The following MAK variants were observed in gnomAD, a reference collection of about 807,000 sequenced individuals.
MAK encodes male germ cell associated kinase.
Under a neutral mutation model 82.6 loss-of-function variants are expected in MAK, and 65 were observed. The observed-to-expected ratio is 0.79, with a 90% confidence interval of 0.64 to 0.97. The LOEUF (loss-of-function observed/expected upper bound fraction) is 0.97, where lower values mean the gene tolerates loss of function less well. Ranked by LOEUF, MAK falls within the 50% of genes least tolerant of loss-of-function variation. The pLI, the probability that MAK is intolerant of heterozygous loss-of-function variation, is 0.00. For synonymous variants in MAK, 250 were observed against 274.2 expected (o/e 0.91, Z 0.87); for missense variants, 703 against 780.2 (o/e 0.90, Z 1.18).
At chr6:10,818,637 C>CT (rs1777679284) in intron 3 of MAK, among the ~76,000 whole-genome samples, 1 of 148,408 alleles carries the variant, frequency 6.7e-6, no homozygotes, top group South Asian at 2.1e-4. Context: ...AAAAAGTTGT[C>CT]TTTGCATAAT....
chr6:10,773,879 T>C (rs1472509194), intron 12 of MAK, among the ~76,000 whole-genome samples: 1 of 151,916 alleles, frequency 6.6e-6, no homozygotes, highest in Non-Finnish European at 1.5e-5. Context: ...GTGTGTATTT[T>C]TAGTAGAGAC....
At chr6:10,826,973 T>C (rs1319308554) in intron 2 of MAK, among the ~76,000 whole-genome samples, 2 of 152,034 alleles carry the variant, frequency 1.3e-5, no homozygotes, top group Non-Finnish European at 2.9e-5. Context: ...TAGCCAGGCG[T>C]GGTGGTACAT....
At chr6:10,773,171 G>GA (rs908783908) in intron 12 of MAK, 63 bp from the exon 13 acceptor site, 16 of 888,700 alleles carry the variant, frequency 1.8e-5, no homozygotes, top group Non-Finnish European at 2.6e-5. Flanking sequence ...GAAAAGCAGA[G>GA]AAAAAATGGA....
At position 10,801,394 on chromosome 6, in the gene MAK, AG is replaced by A. The variant is rs1776008296; in HGVS notation, c.831+497del. On this transcript the variant is annotated intron_variant, in intron 8 of 14. Coordinates refer to ENST00000354489, the MANE Select transcript of MAK (RefSeq NM_001242957.3). The stretch of plus-strand genomic sequence containing the variant: ...GTAGATATGTCAGGTGTAGTCACAA[AG>A]GAACAAAGCCTGGGTGCCACAATGC... Among the ~76,000 whole-genome samples the A allele has an allele frequency of 2.0e-5, 3 of 152,208 alleles. No individual in the cohort carries two copies. The South Asian group carries it at 6.2e-4, about 31-fold the overall frequency.
At chr6:10,795,683 G>A (rs1356270066) in intron 9 of MAK, among the ~76,000 whole-genome samples, 1 of 152,156 alleles carries the variant, frequency 6.6e-6, no homozygotes, top group Non-Finnish European at 1.5e-5. Context: ...GTCAGAGATT[G>A]CAGTGAGCTA....
At chr6:10,795,478 C>A (rs1255739706) in intron 9 of MAK, among the ~76,000 whole-genome samples, 1 of 152,004 alleles carries the variant, frequency 6.6e-6, no homozygotes, top group African/African-American at 2.4e-5. Flanking sequence ...TGCAGTGGCT[C>A]ATGCCTGTAA....
rs1007040142 is a variant in MAK at position 10,781,421 on chromosome 6, ATT to A, written c.1465+3001_1465+3002del. ...ATACAGACTTCAAGGTCAAAAGTAG[ATT>A]TTTTTTTTTTTTTTTTTTGAGACAG... On this transcript the variant is annotated intron_variant, in intron 11 of 14. Transcript: ENST00000354489. Among the ~76,000 whole-genome samples, 933 of 134,360 alleles carry A rather than the reference ATT, an allele frequency of 6.9e-3. 5 individuals carry two copies. The highest frequency in any genetic ancestry group is 0.023 in the African/African-American group (810 of 35,298). 88.1% of individuals were successfully genotyped at this position (134,360 alleles called of 152,430 possible).
intron 11 of MAK, chr6:10,779,480 G>A (rs939687901): frequency 4.2e-5 from 41 of 985,170 alleles, no homozygotes; most frequent in South Asian, 4.7e-5. Flanking sequence ...AGTCCTTGTA[G>A]TATAATGTCA....
In MAK at chr6:10,776,198, C is replaced by T. The variant is rs1487129121; in HGVS notation, c.1466-739G>A. On this transcript the variant is annotated intron_variant, in intron 11 of 14. Transcript: ENST00000354489. The surrounding 1 kb of genome is among the most constrained non-coding windows in gnomAD (Gnocchi z 4.3). ...AGAACTCAGGAAAACCTTTGAAGTT[C>T]GGAGGTATGAAGCTCCACCTGAAAC... Among the ~76,000 whole-genome samples, 11 of 152,088 alleles carry T rather than the reference C, an allele frequency of 7.2e-5. No individual in the cohort carries two copies. Among genetic ancestry groups the T allele is most frequent in the Non-Finnish European group, 8.8e-5 (6 of 68,036 alleles).
At chr6:10,782,776 C>G (rs1774120386) in intron 11 of MAK, among the ~76,000 whole-genome samples, 3 of 152,050 alleles carry the variant, frequency 2.0e-5, no homozygotes, top group African/African-American at 7.2e-5. Flanking sequence ...CGGGGTTTCA[C>G]CATGTTGGTC....
chr6:10,770,322 C>T, intron 13 of MAK, 92 bp from the exon 14 acceptor site: 2 of 1,437,242 alleles, frequency 1.4e-6, no homozygotes, highest in East Asian at 2.3e-5. Flanking sequence ...CTTCTAAATA[C>T]TATTTTTCAG....
At chr6:10,797,726 C>A in intron 8 of MAK, 1 of 1,178,356 alleles carries the variant, frequency 8.5e-7, no homozygotes, top group South Asian at 1.7e-5. Flanking sequence ...GGGAACATAG[C>A]CCTGACCAAC....
At chr6:10,822,742 A>C (rs1207719947) in intron 2 of MAK, among the ~76,000 whole-genome samples, 2 of 152,192 alleles carry the variant, frequency 1.3e-5, no homozygotes, top group Admixed American at 1.3e-4. Context: ...CAAATAAGAG[A>C]TGGTACCATG....
At chr6:10,780,558 C>A (rs559322726) in intron 11 of MAK, among the ~76,000 whole-genome samples, 5 of 150,490 alleles carry the variant, frequency 3.3e-5, no homozygotes, top group African/African-American at 9.8e-5. Flanking sequence ...GGGTTCAAGC[C>A]ATTCTCCTGC....
chr6:10,835,994 C>A (rs536929), intron 1 of MAK, among the ~76,000 whole-genome samples: 1 of 152,314 alleles, frequency 6.6e-6, no homozygotes, highest in Admixed American at 6.5e-5. Flanking sequence ...CCCAAGCCTG[C>A]GTGCACAGTC....
intron 14 of MAK, 77 bp downstream of exon 14, chr6:10,770,034 G>C: frequency 6.2e-7 from 1 of 1,611,982 alleles, no homozygotes; most frequent in Non-Finnish European, 8.5e-7. Flanking sequence ...CTTGGGAAAA[G>C]TGACTGCATA....
intron 10 of MAK, 104 bp downstream of exon 10, chr6:10,791,571 A>C (rs1363613119): frequency 8.9e-7 from 1 of 1,118,002 alleles, no homozygotes; most frequent in African/African-American, 1.6e-5. Context: ...CTGGCCTGTT[A>C]AGCAAACTTT....
intron 14 of MAK, among the ~76,000 whole-genome samples, chr6:10,764,978 C>A (rs1031889992): frequency 1.3e-5 from 2 of 151,924 alleles, no homozygotes; most frequent in South Asian, 2.1e-4. Flanking sequence ...TGACTGTAAT[C>A]CCAGCTACTC....
intron 2 of MAK, among the ~76,000 whole-genome samples, chr6:10,825,674 G>A (rs1778308739): frequency 6.6e-6 from 1 of 151,818 alleles, no homozygotes; most frequent in Non-Finnish European, 1.5e-5. Flanking sequence ...ATGGTACATG[G>A]CACCACCACT....
Sources: allele counts gnomAD v4.1 joint callset (sites outside exome capture counted in the v4.1 genomes callset), GRCh38; gene constraint gnomAD v4.1.1; non-coding constraint Gnocchi (gnomAD v3.1); transcripts MANE v1.5; gene names NCBI Gene and HGNC (gene_info 2026-07-23, HGNC 2026-07-21).